Variants in SLCO6A1 observed in about 807,000 individuals in gnomAD.
The protein encoded by SLCO6A1 is solute carrier organic anion transporter family member 6A1, also known as cancer/testis antigen 48.
A neutral mutation model predicts 72.7 loss-of-function variants in SLCO6A1; 65 were observed. The ratio of observed to expected loss-of-function variants is 0.89; its 90% CI spans 0.73 to 1.10. The LOEUF is 1.10. SLCO6A1 is among the 50% of genes least tolerant of loss of function. The pLI is 0.00. For missense variants in SLCO6A1, 874 were observed against 872.6 expected (o/e 1.00, Z -0.02); for synonymous variants, 314 against 298.2 (o/e 1.05, Z -0.55).
chr5:102,462,685 T>C (rs776630195), intron 4 of SLCO6A1, among the ~76,000 whole-genome samples: 29 of 152,164 alleles, frequency 1.9e-4, no homozygotes, highest in Admixed American at 2.0e-4. Flanking sequence ...GCAAGCAACA[T>C]GTAGAAGAAA....
chr5:102,459,866 T>C, intron 4 of SLCO6A1, 89 bp from the exon 5 acceptor site: 1 of 1,168,100 alleles, frequency 8.6e-7, no homozygotes, highest in South Asian at 1.8e-5. Flanking sequence ...AAAGTGAGAG[T>C]GAGAGAGGGA....
At chr5:102,491,647 G>A (rs1222899696) in intron 1 of SLCO6A1, among the ~76,000 whole-genome samples, 4 of 152,250 alleles carry the variant, frequency 2.6e-5, no homozygotes, top group African/African-American at 9.6e-5. Flanking sequence ...CGAGTTCAGG[G>A]CCCACTGAGC....
intron 7 of SLCO6A1, among the ~76,000 whole-genome samples, chr5:102,430,196 C>A: frequency 6.6e-6 from 1 of 152,130 alleles, no homozygotes; most frequent in East Asian, 1.9e-4. Context: ...GCTTAAGGAG[C>A]TTTTGGGCCA....
chr5:102,479,584 C>T (rs1420526361), intron 2 of SLCO6A1, among the ~76,000 whole-genome samples: 1 of 152,066 alleles, frequency 6.6e-6, no homozygotes, highest in East Asian at 1.9e-4. Flanking sequence ...ATTGATTCTG[C>T]TCCTTTTCAC....
intron 6 of SLCO6A1, among the ~76,000 whole-genome samples, chr5:102,457,426 C>CA (rs1750786836): frequency 6.6e-6 from 1 of 151,754 alleles, no homozygotes; most frequent in South Asian, 2.1e-4. Flanking sequence ...ACAACCCCAT[C>CA]AAAAAGTGGG....
chr5:102,454,596 A>C (rs1750601944), intron 6 of SLCO6A1, among the ~76,000 whole-genome samples: 1 of 152,092 alleles, frequency 6.6e-6, no homozygotes, highest in Non-Finnish European at 1.5e-5. Context: ...ATATGGTTTT[A>C]TATCCTGTCT....
intron 7 of SLCO6A1, among the ~76,000 whole-genome samples, chr5:102,423,411 A>G (rs1748715343): frequency 6.6e-6 from 1 of 152,214 alleles, no homozygotes; most frequent in Admixed American, 6.5e-5. Context: ...TAGGCTCAAA[A>G]TAAAGGGATA....
At chr5:102,431,233 G>GT (rs907774759) in intron 7 of SLCO6A1, among the ~76,000 whole-genome samples, 1 of 151,900 alleles carries the variant, frequency 6.6e-6, no homozygotes, top group Non-Finnish European at 1.5e-5. Flanking sequence ...TCCTTTGAAT[G>GT]TTTTTTTGTG....
chr5:102,377,587 T>G (rs10041806), intron 12 of SLCO6A1, among the ~76,000 whole-genome samples: 98,155 of 151,706 alleles, frequency 0.65, 31,956 homozygotes, highest in African/African-American at 0.67. Context: ...TATGTTAATT[T>G]TATTAATTAC....
chr5:102,478,007 T>A, intron 2 of SLCO6A1, 146 bp from the exon 3 acceptor site: 1 of 760,082 alleles, frequency 1.3e-6, no homozygotes, highest in Non-Finnish European at 2.1e-6. Context: ...TTGAATGTAG[T>A]AGTACTGCAA....
chr5:102,492,347 A>T (rs1580529481), intron 1 of SLCO6A1, among the ~76,000 whole-genome samples: 3 of 152,236 alleles, frequency 2.0e-5, no homozygotes, highest in Admixed American at 1.3e-4. Context: ...AAATGAAAAA[A>T]AATGTCTTTG....
intron 6 of SLCO6A1, among the ~76,000 whole-genome samples, chr5:102,447,360 T>A (rs1186252725): frequency 6.6e-6 from 1 of 152,206 alleles, no homozygotes; most frequent in Non-Finnish European, 1.5e-5. Context: ...GGTTTTGGTA[T>A]CAGAATGACG....
intron 8 of SLCO6A1, among the ~76,000 whole-genome samples, chr5:102,418,094 T>A (rs1004630762): frequency 6.6e-6 from 1 of 152,080 alleles, no homozygotes; most frequent in African/African-American, 2.4e-5. Flanking sequence ...GACTTTTTTT[T>A]AAGGACTTTA....
intron 7 of SLCO6A1, among the ~76,000 whole-genome samples, chr5:102,437,351 T>A (rs1408021130): frequency 6.6e-6 from 1 of 152,156 alleles, no homozygotes; most frequent in Non-Finnish European, 1.5e-5. Context: ...TAGAGAAACT[T>A]AAGGAGAAAG....
chr5:102,474,269 C>A (rs1379150770), intron 4 of SLCO6A1, among the ~76,000 whole-genome samples: 2 of 151,826 alleles, frequency 1.3e-5, no homozygotes, highest in African/African-American at 2.4e-5. Context: ...CAGAAATAAA[C>A]CCTCATATAT....
At chr5:102,449,874 CTGAGT>C (rs954063657) in intron 6 of SLCO6A1, among the ~76,000 whole-genome samples, 2 of 152,192 alleles carry the variant, frequency 1.3e-5, no homozygotes, top group Middle Eastern at 3.4e-3. Context: ...TTATTTTTGT[CTGAGT>C]TAATTCAAAC....
intron 8 of SLCO6A1, among the ~76,000 whole-genome samples, chr5:102,418,210 G>C (rs980735410): frequency 6.6e-6 from 1 of 151,600 alleles, no homozygotes; most frequent in African/African-American, 2.4e-5. Flanking sequence ...TATGTATAAA[G>C]TATATGTATA....
At chr5:102,439,512 G>A (rs2112682941) in intron 6 of SLCO6A1, among the ~76,000 whole-genome samples, 1 of 152,058 alleles carries the variant, frequency 6.6e-6, no homozygotes, top group East Asian at 1.9e-4. Context: ...ATCCCTGTTA[G>A]GTATGATCAT....
chr5:102,413,492 CT>C (rs1748105825), intron 8 of SLCO6A1, among the ~76,000 whole-genome samples: 2 of 151,880 alleles, frequency 1.3e-5, no homozygotes, highest in Admixed American at 1.3e-4. Flanking sequence ...CTTTCTGTTA[CT>C]ATTCACTTGT....
Sources: gnomAD v4.1 joint callset for allele counts (sites outside exome capture counted in the v4.1 genomes callset) on GRCh38, gnomAD v4.1.1 for gene constraint, MANE v1.5 for transcripts, NCBI Gene and HGNC (gene_info 2026-07-23, HGNC 2026-07-21) for gene names.